Variants in CRYZL1 observed in about 807,000 individuals in gnomAD.
CRYZL1 encodes crystallin zeta like 1.
A neutral mutation model predicts 50.6 loss-of-function variants in CRYZL1; 34 were observed. That is an observed-to-expected ratio of 0.67 (90% CI 0.51 to 0.89). The LOEUF (loss-of-function observed/expected upper bound fraction) is 0.89, where lower values mean the gene tolerates loss of function less well. Ranked by LOEUF, CRYZL1 falls within the 40% of genes least tolerant of loss-of-function variation. The pLI, the probability that CRYZL1 is intolerant of heterozygous loss-of-function variation, is 0.00. For synonymous variants in CRYZL1, 125 were observed against 134.3 expected, an observed-to-expected ratio of 0.93 and a Z score of 0.48; for missense variants, 354 against 402.3, an observed-to-expected ratio of 0.88 and a Z score of 1.03.
At chr21:33,595,905 G>T in intron 10 of CRYZL1, 69 bp from the exon 11 acceptor site, 1 of 1,045,776 alleles carries the variant, frequency 9.6e-7, no homozygotes, top group Non-Finnish European at 1.5e-6. Flanking sequence ...GGTATCTCGA[G>T]TCAGAAAAAC....
chr21:33,593,477 C>T (rs1400139295), intron 11 of CRYZL1, among the ~76,000 whole-genome samples: 1 of 152,194 alleles, frequency 6.6e-6, no homozygotes, highest in Non-Finnish European at 1.5e-5. Context: ...TCCCTTCCTA[C>T]TGCTGTTAAT....
chr21:33,623,284 A>G lies in CRYZL1; in HGVS notation c.145-1216T>C, dbSNP rs185170246. ...TGGCCACAGTATTTCTTTTATGCACATTTGTATGGAGTTAAAACTATGGTT... is the reference window on the plus strand; with the variant it reads ...TGGCCACAGTATTTCTTTTATGCACGTTTGTATGGAGTTAAAACTATGGTT... On this transcript the variant is annotated intron_variant, in intron 3 of 12. Coordinates refer to ENST00000381554, the MANE Select transcript of CRYZL1 (RefSeq NM_145858.3). Among the ~76,000 whole-genome samples, 626 of 152,128 alleles carry G rather than the reference A, an allele frequency of 4.1e-3. 4 individuals carry two copies. Among genetic ancestry groups the G allele is most frequent in the African/African-American group, 0.015 (602 of 41,512 alleles).
At chr21:33,598,200 A>T (rs1212874049) in intron 9 of CRYZL1, among the ~76,000 whole-genome samples, 1 of 152,260 alleles carries the variant, frequency 6.6e-6, no homozygotes, top group Non-Finnish European at 1.5e-5. Context: ...TAAAAAACTC[A>T]TAGACTCAAG....
intron 5 of CRYZL1, among the ~76,000 whole-genome samples, chr21:33,614,464 G>C (rs1356132981): frequency 2.0e-5 from 3 of 152,174 alleles, no homozygotes; most frequent in Non-Finnish European, 4.4e-5. Context: ...ACTCCAGCCT[G>C]GGTGACAAGA....
chr21:33,626,463 G>A (rs997861393), intron 2 of CRYZL1, among the ~76,000 whole-genome samples: 7 of 151,818 alleles, frequency 4.6e-5, no homozygotes, highest in African/African-American at 7.3e-5. Context: ...TTGGGAGGCC[G>A]AGGTAAGTGG....
chr21:33,595,094 C>T (rs1420887618), intron 11 of CRYZL1: 4 of 861,540 alleles, frequency 4.6e-6, no homozygotes, highest in Non-Finnish European at 1.4e-6. Context: ...TGACCCTACT[C>T]TAAAGAGGTT....
intron 4 of CRYZL1, among the ~76,000 whole-genome samples, chr21:33,621,682 T>A (rs2087004510): frequency 6.6e-6 from 1 of 152,104 alleles, no homozygotes; most frequent in Non-Finnish European, 1.5e-5. Context: ...CGAATTTGTG[T>A]TGGGCTGACT....
At chr21:33,597,242 T>C (rs768730169) in intron 10 of CRYZL1, 38 bp downstream of exon 10, 3 of 1,591,754 alleles carry the variant, frequency 1.9e-6, no homozygotes, top group East Asian at 4.5e-5. Flanking sequence ...TTACACCCCT[T>C]TGGTGTAATG....
chr21:33,591,017 C>T (rs1240111475), intron 12 of CRYZL1, 145 bp downstream of exon 12: 3 of 670,060 alleles, frequency 4.5e-6, no homozygotes, highest in East Asian at 5.2e-5. Context: ...TGGCAAAAAC[C>T]ACAATTATGT....
chr21:33,591,595 A>C (rs767017652), intron 11 of CRYZL1: 37 of 208,592 alleles, frequency 1.8e-4, no homozygotes, highest in Non-Finnish European at 1.5e-4. Flanking sequence ...TTAGATGTAC[A>C]TTCGTTGACC....
chr21:33,589,581 G>T lies in CRYZL1; in HGVS notation c.*241C>A, dbSNP rs1224322085. The stretch of plus-strand genomic sequence containing the variant: ...CAGGGGCAAAATATATAGAAACAAT[G>T]AAAAGGTTTTTAGAAAAATTCCCTT... On this transcript the variant is annotated 3_prime_UTR_variant, in exon 13 of 13. Coordinates refer to ENST00000381554, the MANE Select transcript of CRYZL1 (RefSeq NM_145858.3). The T allele has an allele frequency of 5.9e-6, 3 of 508,906 alleles. No homozygotes were observed. In the South Asian group the frequency reaches 9.6e-5, roughly 16 times the overall value. The allele number at this position is 508,906 out of a possible 1,614,324, so 31.5% of individuals were successfully genotyped here.
intron 4 of CRYZL1, among the ~76,000 whole-genome samples, chr21:33,620,545 T>C (rs988936682): frequency 2.0e-5 from 3 of 149,714 alleles, no homozygotes; most frequent in African/African-American, 7.3e-5. Context: ...GGATGGTGGC[T>C]CATGCCTGTA....
At position 33,600,933 on chromosome 21, in the gene CRYZL1, G is replaced by GTTTTTTTTTTTTTTTTTTTTTTTTTT. The variant is rs764185960; in HGVS notation, c.577+1300_577+1301insAAAAAAAAAAAAAAAAAAAAAAAAAA. Among the ~76,000 whole-genome samples the GTTTTTTTTTTTTTTTTTTTTTTTTTT allele has an allele frequency of 1.0e-4, 6 of 59,520 alleles. 3 individuals are homozygous for GTTTTTTTTTTTTTTTTTTTTTTTTTT. The highest frequency in any genetic ancestry group is 5.6e-4 in the Admixed American group (2 of 3,602). 39.0% of individuals were successfully genotyped at this position (59,520 alleles called of 152,430 possible). On this transcript the variant is annotated intron_variant, in intron 8 of 12. Coordinates refer to ENST00000381554, the MANE Select transcript of CRYZL1 (RefSeq NM_145858.3). Reference sequence around the variant, plus strand: ...TGAGCCACTGTGCCCGGTCCATAAAGTTTTTTTTTTTTTTTTTTTTGGGGG... The same window carrying GTTTTTTTTTTTTTTTTTTTTTTTTTT: ...TGAGCCACTGTGCCCGGTCCATAAAGTTTTTTTTTTTTTTTTTTTTTTTTTTTTTTTTTTTTTTTTTTTTTTGGGGG...
At chr21:33,637,444 C>CAAAAAAAAAAAA (rs544640250) in intron 1 of CRYZL1, among the ~76,000 whole-genome samples, 49 of 76,926 alleles carry the variant, frequency 6.4e-4, no homozygotes, top group Admixed American at 9.1e-4. Context: ...GACTCTGTCT[C>CAAAAAAAAAAAA]AAAAAAAAAA....
At chr21:33,640,087 A>G in intron 1 of CRYZL1, 1 of 1,511,234 alleles carries the variant, frequency 6.6e-7, no homozygotes, top group South Asian at 1.2e-5. Context: ...AGGCCTCCCA[A>G]AGTGCTGGGA....
At chr21:33,595,197 T>G in intron 11 of CRYZL1, 1 of 1,129,844 alleles carries the variant, frequency 8.9e-7, no homozygotes, top group Non-Finnish European at 1.1e-6. Context: ...ACCAGACTTA[T>G]CTCTGAATGA....
At chr21:33,613,516 A>G in intron 6 of CRYZL1, 22 bp downstream of exon 6, 1 of 1,542,176 alleles carries the variant, frequency 6.5e-7, no homozygotes, top group Admixed American at 1.7e-5. Flanking sequence ...TGTGAGCTCC[A>G]AAGTACTGAA....
chr21:33,593,115 CT>C (rs911755365), intron 11 of CRYZL1, among the ~76,000 whole-genome samples: 3 of 150,350 alleles, frequency 2.0e-5, no homozygotes, highest in Admixed American at 1.3e-4. Context: ...TAAAACATTT[CT>C]TTTTTTTTGA....
At chr21:33,620,639 C>T (rs899655475) in intron 4 of CRYZL1, among the ~76,000 whole-genome samples, 2 of 151,578 alleles carry the variant, frequency 1.3e-5, no homozygotes, top group East Asian at 2.0e-4. Flanking sequence ...GGTGAAACCC[C>T]GTCTCTACCA....
Sources: gnomAD v4.1 joint callset for allele counts (sites outside exome capture counted in the v4.1 genomes callset) on GRCh38, gnomAD v4.1.1 for gene constraint, MANE v1.5 for transcripts, NCBI Gene and HGNC (gene_info 2026-07-23, HGNC 2026-07-21) for gene names.